ARNT2: variants seen among roughly 807,000 people sequenced by gnomAD.
ARNT2 encodes the protein ARNT protein 2.
Under a neutral mutation model 91.7 loss-of-function variants are expected in ARNT2, and 36 were observed. The ratio of observed to expected loss-of-function variants is 0.39; its 90% CI spans 0.30 to 0.52. The LOEUF (loss-of-function observed/expected upper bound fraction) is 0.52, where lower values mean the gene tolerates loss of function less well. ARNT2 is among the 20% of genes least tolerant of loss of function. The probability of loss-of-function intolerance (pLI) is 0.72; values close to 1 mark genes in which losing one functional copy is unlikely to be tolerated. For missense variants in ARNT2, 775 were observed against 939.3 expected, an observed-to-expected ratio of 0.83 and a Z score of 2.29; for synonymous variants, 365 against 347.1, an observed-to-expected ratio of 1.05 and a Z score of -0.57.
chr15:80,517,999 C>T (rs919422571), intron 8 of ARNT2, among the ~76,000 whole-genome samples: 4 of 152,070 alleles, frequency 2.6e-5, no homozygotes, highest in Admixed American at 2.6e-4. Flanking sequence ...AGTCTGGTTC[C>T]AGTGCTCACT....
At chr15:80,485,697 G>T (rs1461042154) in intron 5 of ARNT2, among the ~76,000 whole-genome samples, 1 of 152,176 alleles carries the variant, frequency 6.6e-6, no homozygotes, top group Non-Finnish European at 1.5e-5. Flanking sequence ...GAGAGGGGAT[G>T]CTGACTCCAA....
chr15:80,566,709 T>C (rs926309172), intron 12 of ARNT2, among the ~76,000 whole-genome samples: 3 of 152,238 alleles, frequency 2.0e-5, no homozygotes, highest in South Asian at 2.1e-4. Flanking sequence ...TCATATGAAA[T>C]AACCTGTTCT....
Position 80,580,987 on chromosome 15 carries a change from A to G in ARNT2, c.1753-252A>G, listed in dbSNP as rs977289391. On this transcript the variant is annotated intron_variant, in intron 16 of 18. Coordinates refer to ENST00000303329, the MANE Select transcript of ARNT2 (RefSeq NM_014862.4). ...TCATAATGCCAAGGCCTTGGTAACC[A>G]GACTCCAGAGGGCCCGGATCCTCGT... The G allele has an allele frequency of 4.6e-5, 25 of 548,606 alleles. No homozygotes were observed. In the Admixed American group the frequency reaches 6.1e-4, roughly 13 times the overall value. 34.0% of individuals were successfully genotyped at this position (548,606 alleles called of 1,614,324 possible). A position where few individuals can be genotyped will look rare whatever the true frequency, so the allele number is the denominator to read the frequency against.
chr15:80,528,625 C>T (rs1897683758), intron 8 of ARNT2, among the ~76,000 whole-genome samples: 1 of 152,106 alleles, frequency 6.6e-6, no homozygotes, highest in Non-Finnish European at 1.5e-5. Flanking sequence ...TATTAATACC[C>T]TCCCTGGTGG....
chr15:80,468,227 G>GCA (rs1289076840), intron 3 of ARNT2, among the ~76,000 whole-genome samples: 2 of 151,922 alleles, frequency 1.3e-5, no homozygotes, highest in African/African-American at 2.4e-5. Context: ...GTGGGAGAGA[G>GCA]CACCAGGCCT....
chr15:80,592,627 G>A (rs1029628656), intron 18 of ARNT2, among the ~76,000 whole-genome samples: 8 of 152,196 alleles, frequency 5.3e-5, no homozygotes, highest in African/African-American at 1.4e-4. Flanking sequence ...CAAAGGCCTG[G>A]GACTCAGATG....
intron 15 of ARNT2, among the ~76,000 whole-genome samples, chr15:80,578,766 A>G (rs1307496302): frequency 6.6e-6 from 1 of 152,148 alleles, no homozygotes; most frequent in East Asian, 1.9e-4. Context: ...CTTGCTGAGT[A>G]CTAGTCTGTA....
chr15:80,562,859 T>C, intron 11 of ARNT2: 1 of 623,278 alleles, frequency 1.6e-6, no homozygotes, highest in South Asian at 1.9e-5. Context: ...TGCTTTCTCA[T>C]ACCGTGGTTA....
Position 80,597,190 on chromosome 15 carries a change from CCCAGGGAA to C in ARNT2, c.*3493_*3500del, listed in dbSNP as rs756865219. The C allele has an allele frequency of 1.9e-6, 1 of 518,468 alleles. No individual in the cohort carries two copies. 32.1% of individuals were successfully genotyped at this position (518,468 alleles called of 1,614,324 possible). On this transcript the variant is annotated 3_prime_UTR_variant, in exon 19 of 19. Coordinates refer to ENST00000303329, the MANE Select transcript of ARNT2 (RefSeq NM_014862.4). ...AGCTTTAGCCGAGAAAGAAACCAGTCCCAGGGAATGAATGGTGGTCTCCCCACTCCCGG... is the reference window on the plus strand; with the variant it reads ...AGCTTTAGCCGAGAAAGAAACCAGTCTGAATGGTGGTCTCCCCACTCCCGG...
At chr15:80,518,171 T>C (rs1426475296) in intron 8 of ARNT2, among the ~76,000 whole-genome samples, 2 of 152,070 alleles carry the variant, frequency 1.3e-5, no homozygotes, top group African/African-American at 4.8e-5. Flanking sequence ...TGTTTAATGT[T>C]TTAAATATTG....
intron 3 of ARNT2, among the ~76,000 whole-genome samples, chr15:80,461,105 G>A (rs1443141012): frequency 6.6e-6 from 1 of 152,186 alleles, no homozygotes; most frequent in East Asian, 1.9e-4. Context: ...GTTTAGGGTG[G>A]CCCTGGGTTG....
At chr15:80,584,002 A>G (rs770046694) in intron 17 of ARNT2, among the ~76,000 whole-genome samples, 1 of 152,258 alleles carries the variant, frequency 6.6e-6, no homozygotes, top group Non-Finnish European at 1.5e-5. Flanking sequence ...CCATCAGTGC[A>G]TCATGTGTTA....
At chr15:80,495,066 C>T (rs1897107628) in intron 5 of ARNT2, among the ~76,000 whole-genome samples, 1 of 152,048 alleles carries the variant, frequency 6.6e-6, no homozygotes, top group South Asian at 2.1e-4. Flanking sequence ...TTTTGCCAGA[C>T]CTAATCAGGC....
At chr15:80,572,531 C>T (rs1478502489) in intron 12 of ARNT2, among the ~76,000 whole-genome samples, 1 of 151,730 alleles carries the variant, frequency 6.6e-6, no homozygotes, top group African/African-American at 2.4e-5. Context: ...TCTAGCCAGC[C>T]CTCCTTGCAT....
At chr15:80,580,694 C>G in intron 16 of ARNT2, 145 bp downstream of exon 16, 1 of 1,057,356 alleles carries the variant, frequency 9.5e-7, no homozygotes, top group Non-Finnish European at 1.4e-6. Flanking sequence ...TACTCAGGAG[C>G]ACCATCCACC....
chr15:80,558,362 G>C (rs1230548730), intron 11 of ARNT2, among the ~76,000 whole-genome samples: 5 of 146,756 alleles, frequency 3.4e-5, no homozygotes, highest in Admixed American at 2.7e-4. Flanking sequence ...TTTGAGACGG[G>C]GTCTTACTCT....
At chr15:80,406,029 G>A (rs980644624) in intron 1 of ARNT2, among the ~76,000 whole-genome samples, 2 of 152,192 alleles carry the variant, frequency 1.3e-5, no homozygotes, top group African/African-American at 4.8e-5. Context: ...ACTTGAGACA[G>A]GGAGGCCAGC....
At chr15:80,431,335 A>G (rs947421755) in intron 1 of ARNT2, among the ~76,000 whole-genome samples, 7 of 152,122 alleles carry the variant, frequency 4.6e-5, no homozygotes, top group African/African-American at 1.7e-4. Context: ...CGTTCTTGCC[A>G]TGCCCAGGTT....
At chr15:80,460,472 A>G (rs548934888) in intron 3 of ARNT2, among the ~76,000 whole-genome samples, 1 of 152,324 alleles carries the variant, frequency 6.6e-6, no homozygotes, top group South Asian at 2.1e-4. Flanking sequence ...GCACACGCCC[A>G]TACGTGCATA....
Sources: gnomAD v4.1 joint callset for allele counts (sites outside exome capture counted in the v4.1 genomes callset) on GRCh38, gnomAD v4.1.1 for gene constraint, MANE v1.5 for transcripts, NCBI Gene and HGNC (gene_info 2026-07-23, HGNC 2026-07-21) for gene names.